The following MSRA variants were observed in gnomAD, a reference collection of about 807,000 sequenced individuals.
The protein encoded by MSRA is mitochondrial peptide methionine sulfoxide reductase.
MSRA carries 54 observed loss-of-function variants against 31.3 expected under a neutral mutation model. That is an observed-to-expected ratio of 1.73 (90% CI 1.39 to 2.17). The LOEUF is 2.17. Ranked by LOEUF, MSRA falls within the 30% of genes most tolerant of loss-of-function variation. The pLI, the probability that MSRA is intolerant of heterozygous loss-of-function variation, is 0.00. For missense variants in MSRA, 507 were observed against 300.9 expected (o/e 1.69, Z -5.07); for synonymous variants, 169 against 116.5 (o/e 1.45, Z -2.90).
At chr8:10,141,872 G>T (rs185834159) in intron 1 of MSRA, among the ~76,000 whole-genome samples, 21 of 152,306 alleles carry the variant, frequency 1.4e-4, no homozygotes, top group Non-Finnish European at 2.8e-4. Context: ...TGCCTAGCTG[G>T]TAGTAGGCAC....
At chr8:10,137,615 C>T (rs979886681) in intron 1 of MSRA, among the ~76,000 whole-genome samples, 1 of 152,104 alleles carries the variant, frequency 6.6e-6, no homozygotes, top group Non-Finnish European at 1.5e-5. Flanking sequence ...GCTAAAATAG[C>T]GAATGCTGTG....
chr8:10,272,951 T>C (rs1300298605), intron 3 of MSRA, among the ~76,000 whole-genome samples: 1 of 152,226 alleles, frequency 6.6e-6, no homozygotes, highest in Non-Finnish European at 1.5e-5. Context: ...TGTTTTAATA[T>C]TCTAAATTTA....
chr8:10,183,702 A>G (rs927969860), intron 1 of MSRA, among the ~76,000 whole-genome samples: 4 of 151,622 alleles, frequency 2.6e-5, no homozygotes, highest in Non-Finnish European at 4.4e-5. Flanking sequence ...GCCCAGGCCT[A>G]GATACAGAGG....
intron 4 of MSRA, among the ~76,000 whole-genome samples, chr8:10,315,984 C>T (rs1255166510): frequency 1.3e-5 from 2 of 152,178 alleles, no homozygotes; most frequent in Non-Finnish European, 2.9e-5. Flanking sequence ...TAATTTATGA[C>T]TATAGAAGTA....
chr8:10,188,179 C>A (rs997067478), intron 1 of MSRA, among the ~76,000 whole-genome samples: 1 of 152,180 alleles, frequency 6.6e-6, no homozygotes, highest in African/African-American at 2.4e-5. Flanking sequence ...AGTGTGTTGT[C>A]AAAGCCAGGA....
intron 1 of MSRA, among the ~76,000 whole-genome samples, chr8:10,102,210 C>A (rs1470148191): frequency 1.3e-5 from 2 of 152,164 alleles, no homozygotes; most frequent in Non-Finnish European, 2.9e-5. Context: ...GGCATTATTT[C>A]TTTGAATACT....
chr8:10,069,523 A>G (rs1012748346), intron 1 of MSRA, among the ~76,000 whole-genome samples: 1 of 152,244 alleles, frequency 6.6e-6, no homozygotes, highest in Non-Finnish European at 1.5e-5. Context: ...CACCGTCAAC[A>G]TGTCAGCAAG....
chr8:10,410,481 G>T (rs577779632), intron 5 of MSRA, among the ~76,000 whole-genome samples: 22 of 152,206 alleles, frequency 1.4e-4, no homozygotes, highest in Non-Finnish European at 3.1e-4. Flanking sequence ...GTTTAGAGCA[G>T]TGCTCCTGAA....
intron 5 of MSRA, among the ~76,000 whole-genome samples, chr8:10,395,301 G>A (rs1294250147): frequency 6.6e-6 from 1 of 152,280 alleles, no homozygotes; most frequent in African/African-American, 2.4e-5. Context: ...GTAAGGGAGA[G>A]GCAATGCCTT....
chr8:10,341,000 C>G (rs1237085850), intron 5 of MSRA, among the ~76,000 whole-genome samples: 15 of 152,158 alleles, frequency 9.9e-5, no homozygotes, highest in Admixed American at 9.8e-4. Context: ...AGATTTCCAA[C>G]TGATCAGATC....
At chr8:10,166,485 G>C (rs549590599) in intron 1 of MSRA, among the ~76,000 whole-genome samples, 3 of 152,136 alleles carry the variant, frequency 2.0e-5, no homozygotes, top group African/African-American at 7.2e-5. Context: ...ACATATGTGT[G>C]TGCATGCATA....
chr8:10,208,383 C>G (rs188571164), intron 2 of MSRA, among the ~76,000 whole-genome samples: 162 of 152,286 alleles, frequency 1.1e-3, no homozygotes, highest in Non-Finnish European at 2.0e-3. Context: ...CAGCAAAGGC[C>G]AATCCCTGAG....
chr8:10,340,146 C>A (rs1191501220), intron 5 of MSRA, among the ~76,000 whole-genome samples: 1 of 152,144 alleles, frequency 6.6e-6, no homozygotes, highest in Non-Finnish European at 1.5e-5. Flanking sequence ...GACCACGGAG[C>A]CACAGCCGCC....
chr8:10,207,289 T>C (rs542360195), intron 1 of MSRA, among the ~76,000 whole-genome samples: 1 of 152,306 alleles, frequency 6.6e-6, no homozygotes, highest in South Asian at 2.1e-4. Flanking sequence ...TCTCTGGCTC[T>C]TAAGGAGGCT....
At chr8:10,255,241 G>C (rs1360454881) in intron 3 of MSRA, among the ~76,000 whole-genome samples, 1 of 152,234 alleles carries the variant, frequency 6.6e-6, no homozygotes, top group Non-Finnish European at 1.5e-5. Context: ...CCCACTGCAA[G>C]GCTGCACTTT....
At chr8:10,110,219 CAAGA>C (rs1554445689) in intron 1 of MSRA, among the ~76,000 whole-genome samples, 1 of 152,198 alleles carries the variant, frequency 6.6e-6, no homozygotes, top group Non-Finnish European at 1.5e-5. Context: ...GGGTTTGAAA[CAAGA>C]AAGGTTTGGA....
At chr8:10,259,587 G>A (rs1798362732) in intron 3 of MSRA, among the ~76,000 whole-genome samples, 1 of 152,002 alleles carries the variant, frequency 6.6e-6, no homozygotes, top group Non-Finnish European at 1.5e-5. Flanking sequence ...TTTCTTCTGA[G>A]TACTTACTAG....
At chr8:10,376,289 C>CTA (rs1376574761) in intron 5 of MSRA, among the ~76,000 whole-genome samples, 2 of 152,216 alleles carry the variant, frequency 1.3e-5, no homozygotes, top group Non-Finnish European at 2.9e-5. Context: ...TCCCTGGCTT[C>CTA]TACAATGCAG....
At chr8:10,072,974 A>G (rs1033970204) in intron 1 of MSRA, among the ~76,000 whole-genome samples, 3 of 152,206 alleles carry the variant, frequency 2.0e-5, no homozygotes, top group Admixed American at 6.5e-5. Flanking sequence ...TGCTGAACTC[A>G]CTTTAGTAGA....
Sources: allele counts gnomAD v4.1 joint callset (sites outside exome capture counted in the v4.1 genomes callset), GRCh38; gene constraint gnomAD v4.1.1; transcripts MANE v1.5; gene names NCBI Gene and HGNC (gene_info 2026-07-23, HGNC 2026-07-21).